CUL3: variants seen among roughly 807,000 people sequenced by gnomAD.
CUL3 encodes the protein cullin-3.
In CUL3, 19 loss-of-function variants were observed where a neutral mutation model predicts 89.1. That is an observed-to-expected ratio of 0.21 (90% CI 0.15 to 0.31). CUL3 has a LOEUF of 0.31. Among genes scored for constraint, CUL3 ranks in the 10% least tolerant of loss-of-function variants. The pLI is 1.00. For missense variants in CUL3, 469 were observed against 942.3 expected (o/e 0.50, Z 6.58); for synonymous variants, 351 against 308.4 (o/e 1.14, Z -1.45).
At chr2:224,576,680 A>G (rs983693773) in intron 1 of CUL3, among the ~76,000 whole-genome samples, 2 of 54,260 alleles carry the variant, frequency 3.7e-5, no homozygotes, top group African/African-American at 1.2e-4. Flanking sequence ...TTCAGGAGTG[A>G]AAAAAAAGGG....
At chr2:224,526,197 A>AT (rs769348784) in intron 3 of CUL3, among the ~76,000 whole-genome samples, 1 of 152,242 alleles carries the variant, frequency 6.6e-6, no homozygotes, top group South Asian at 2.1e-4. Context: ...CTTAATTCAC[A>AT]TTAAACATTC....
At chr2:224,502,865 C>T (rs1322848619) in intron 10 of CUL3, 100 bp downstream of exon 10, 5 of 782,878 alleles carry the variant, frequency 6.4e-6, no homozygotes, top group Non-Finnish European at 1.1e-5. Context: ...TCACTAATGA[C>T]ATTTAAAGAA....
rs1693649202 is a variant in CUL3, at chr2:224,530,327, C to T, written c.378+5201G>A. 1.3e-5 allele frequency among the ~76,000 whole-genome samples: 2 copies of T among 148,260 alleles called. 1 individual carries two copies. Among genetic ancestry groups the T allele is most frequent in the East Asian group, 3.9e-4 (2 of 5,182 alleles). ...GTGGGCAGACAGTGAAGTTTCTTCT[C>T]TCCTCCTGCTCTGGGCCTAAGATCT... On this transcript the variant is annotated intron_variant, in intron 3 of 15. Coordinates refer to ENST00000264414, the MANE Select transcript of CUL3 (RefSeq NM_003590.5).
chr2:224,579,705 T>C (rs904366095), intron 1 of CUL3, among the ~76,000 whole-genome samples: 24 of 152,346 alleles, frequency 1.6e-4, no homozygotes, highest in African/African-American at 5.8e-4. Flanking sequence ...CCTGATGAGT[T>C]AGCAAGCTTT....
chr2:224,515,932 T>C (rs965220286), intron 3 of CUL3, among the ~76,000 whole-genome samples: 11 of 152,074 alleles, frequency 7.2e-5, no homozygotes, highest in Admixed American at 3.9e-4. Flanking sequence ...TCAAGTGATC[T>C]GCCCACCTTG....
At chr2:224,526,235 C>T (rs1162629908) in intron 3 of CUL3, among the ~76,000 whole-genome samples, 1 of 152,160 alleles carries the variant, frequency 6.6e-6, no homozygotes, top group Admixed American at 6.5e-5. Flanking sequence ...TTCCCATATA[C>T]ATTGTCAGAG....
intron 2 of CUL3, among the ~76,000 whole-genome samples, chr2:224,541,975 G>A (rs1483096844): frequency 2.0e-5 from 3 of 152,092 alleles, no homozygotes; most frequent in Non-Finnish European, 4.4e-5. Context: ...TGTGACAGTG[G>A]TTACATGAAT....
chr2:224,526,376 G>A (rs1399405749), intron 3 of CUL3, among the ~76,000 whole-genome samples: 3 of 152,030 alleles, frequency 2.0e-5, no homozygotes, highest in Non-Finnish European at 2.9e-5. Context: ...ACCTGAGGTC[G>A]AAAGTTCGAG....
intron 5 of CUL3, among the ~76,000 whole-genome samples, chr2:224,513,119 A>G (rs931757690): frequency 1.2e-4 from 19 of 152,238 alleles, no homozygotes; most frequent in African/African-American, 4.6e-4. Flanking sequence ...GTAAGAGTAC[A>G]ATATGCAATA....
intron 3 of CUL3, among the ~76,000 whole-genome samples, chr2:224,519,783 G>A (rs1693196986): frequency 6.6e-6 from 1 of 152,082 alleles, no homozygotes; most frequent in South Asian, 2.1e-4. Context: ...CTTGTGATAT[G>A]CACATGATAT....
chr2:224,508,363 C>G (rs1351857857), intron 6 of CUL3, among the ~76,000 whole-genome samples: 1 of 152,120 alleles, frequency 6.6e-6, no homozygotes, highest in Admixed American at 6.6e-5. Flanking sequence ...ACATACTTAG[C>G]ATAAATTACA....
At chr2:224,530,939 AT>A (rs1341683022) in intron 3 of CUL3, among the ~76,000 whole-genome samples, 2 of 152,180 alleles carry the variant, frequency 1.3e-5, no homozygotes, top group Non-Finnish European at 2.9e-5. Context: ...AAAAAACCCC[AT>A]AAAAATGTAC....
intron 1 of CUL3, among the ~76,000 whole-genome samples, chr2:224,583,079 G>C (rs534071060): frequency 2.6e-5 from 4 of 152,270 alleles, no homozygotes; most frequent in African/African-American, 9.6e-5. Context: ...CACACTGCTA[G>C]AAAATCTGTT....
chr2:224,500,212 A>C lies in CUL3; in HGVS notation c.1610+151T>G, dbSNP rs933068493. On this transcript the variant is annotated intron_variant, in intron 11 of 15. Coordinates refer to ENST00000264414, the MANE Select transcript of CUL3 (RefSeq NM_003590.5). ...CTCATCAAGATCCTATAGAGGGGGAAATTGCTGTATGCCAGGATAAATGCT... is the reference window on the plus strand; with the variant it reads ...CTCATCAAGATCCTATAGAGGGGGACATTGCTGTATGCCAGGATAAATGCT... The C allele has an allele frequency of 4.9e-6, 4 of 816,262 alleles. No homozygotes were observed. The African/African-American group carries it at 6.9e-5, about 14-fold the overall frequency. 50.6% of individuals were successfully genotyped at this position (816,262 alleles called of 1,614,324 possible). A position where few individuals can be genotyped will look rare whatever the true frequency, so the allele number is the denominator to read the frequency against.
chr2:224,501,843 T>C (rs557539869), intron 10 of CUL3, among the ~76,000 whole-genome samples: 15 of 152,256 alleles, frequency 9.9e-5, no homozygotes, highest in African/African-American at 3.6e-4. Context: ...CCTATAGCTT[T>C]CAATGTGTAA....
At chr2:224,577,273 G>C (rs1023903820) in intron 1 of CUL3, among the ~76,000 whole-genome samples, 6 of 152,092 alleles carry the variant, frequency 3.9e-5, no homozygotes, top group African/African-American at 1.4e-4. Flanking sequence ...CTTGTTAAAG[G>C]TTATGCAGCT....
chr2:224,545,521 G>A (rs1694261942), intron 2 of CUL3, among the ~76,000 whole-genome samples: 1 of 152,108 alleles, frequency 6.6e-6, no homozygotes, highest in African/African-American at 2.4e-5. Flanking sequence ...CTTACTCTTT[G>A]CTTTAAGTGT....
chr2:224,571,865 T>C (rs1194000822), intron 1 of CUL3, among the ~76,000 whole-genome samples: 1 of 152,232 alleles, frequency 6.6e-6, no homozygotes, highest in Non-Finnish European at 1.5e-5. Context: ...AATTGTCTTT[T>C]ACTGAAATTT....
At chr2:224,515,780 C>T (rs1278989382) in intron 3 of CUL3, among the ~76,000 whole-genome samples, 1 of 151,932 alleles carries the variant, frequency 6.6e-6, no homozygotes, top group Admixed American at 6.6e-5. Context: ...ACTGCAACCT[C>T]TTCCTCCTGG....
Sources: gnomAD v4.1 joint callset for allele counts (sites outside exome capture counted in the v4.1 genomes callset) on GRCh38, gnomAD v4.1.1 for gene constraint, MANE v1.5 for transcripts, NCBI Gene and HGNC (gene_info 2026-07-23, HGNC 2026-07-21) for gene names.